The following NDST3 variants were observed in gnomAD, a reference collection of about 807,000 sequenced individuals.
NDST3 encodes N-deacetylase and N-sulfotransferase 3.
In NDST3, 58 loss-of-function variants were observed where a neutral mutation model predicts 96.1. The ratio of observed to expected loss-of-function variants is 0.60; its 90% CI spans 0.49 to 0.75. The LOEUF (loss-of-function observed/expected upper bound fraction) is 0.75, where lower values mean the gene tolerates loss of function less well. Among genes scored for constraint, NDST3 ranks in the 30% least tolerant of loss-of-function variants. The pLI, the probability that NDST3 is intolerant of heterozygous loss-of-function variation, is 0.00. For missense variants in NDST3, 788 were observed against 1,034.2 expected (o/e 0.76, Z 3.27); for synonymous variants, 333 against 359.7 (o/e 0.93, Z 0.84).
In NDST3 at chr4:118,141,065, G is replaced by C. The variant is rs79437969; in HGVS notation, c.1411-2491G>C. Among the ~76,000 whole-genome samples, 1,384 of 152,230 alleles carry C rather than the reference G, an allele frequency of 9.1e-3. 25 individuals are homozygous for C. The highest frequency in any genetic ancestry group is 0.082 in the Middle Eastern group (24 of 294). ...TGGTATCTCCCCAGAAGTATTTGTTGGCAGTTGCTCCTGAATGAGCCTTAG... is the reference window on the plus strand; with the variant it reads ...TGGTATCTCCCCAGAAGTATTTGTTCGCAGTTGCTCCTGAATGAGCCTTAG... On this transcript the variant is annotated intron_variant, in intron 5 of 13. Coordinates refer to ENST00000296499, the MANE Select transcript of NDST3 (RefSeq NM_004784.3).
intron 2 of NDST3, among the ~76,000 whole-genome samples, chr4:118,093,107 T>C (rs1729012515): frequency 6.6e-6 from 1 of 151,882 alleles, no homozygotes; most frequent in African/African-American, 2.4e-5. Context: ...GCGCTGGAAC[T>C]GAGTGAGAAT....
intron 2 of NDST3, among the ~76,000 whole-genome samples, chr4:118,081,669 T>C (rs1034290343): frequency 3.3e-5 from 5 of 152,284 alleles, no homozygotes; most frequent in African/African-American, 1.2e-4. Context: ...GCTAATTAAG[T>C]ACATTTAAAG....
At chr4:118,194,746 T>C (rs1737554841) in intron 6 of NDST3, 3 of 491,020 alleles carry the variant, frequency 6.1e-6, no homozygotes, top group Non-Finnish European at 1.1e-5. Context: ...TCTCCTCAAC[T>C]GTCATCTCCA....
chr4:118,166,638 C>A (rs749617658), intron 6 of NDST3, among the ~76,000 whole-genome samples: 2 of 151,776 alleles, frequency 1.3e-5, no homozygotes, highest in Non-Finnish European at 2.9e-5. Flanking sequence ...AACATAGATA[C>A]AAAAATCCTC....
intron 6 of NDST3, chr4:118,194,734 C>T: frequency 2.0e-6 from 1 of 512,254 alleles, no homozygotes. Flanking sequence ...CAGTCTCCTT[C>T]ATCTCCTCAA....
rs567049579 is a variant in NDST3, at chr4:118,086,186, T to C, written c.982-18832T>C. Among the ~76,000 whole-genome samples the C allele has an allele frequency of 7.2e-5, 11 of 152,328 alleles. No individual in the cohort carries two copies. The South Asian group carries it at 1.4e-3, about 20-fold the overall frequency. On this transcript the variant is annotated intron_variant, in intron 2 of 13. Transcript: ENST00000296499. ...CCCTTTCACGCAATGTACTTACTTA[T>C]ATTTCAATTTTAGCATCTTGCAATC...
chr4:118,082,156 C>G (rs941656585), intron 2 of NDST3, among the ~76,000 whole-genome samples: 1 of 152,122 alleles, frequency 6.6e-6, no homozygotes, highest in Non-Finnish European at 1.5e-5. Flanking sequence ...TTATTTTTCC[C>G]GAGTATTTTT....
chr4:118,195,885 T>C (rs1737651480), intron 6 of NDST3, among the ~76,000 whole-genome samples: 1 of 152,212 alleles, frequency 6.6e-6, no homozygotes, highest in Non-Finnish European at 1.5e-5. Context: ...AGTACTATGT[T>C]GAATAACAGT....
In NDST3 at chr4:118,242,116, T is replaced by C; in HGVS notation, c.2366T>C (p.Val789Ala). 10 of 1,610,462 alleles carry C rather than the reference T, an allele frequency of 6.2e-6. No individual in the cohort carries two copies. Among genetic ancestry groups the C allele is most frequent in the Non-Finnish European group, 8.5e-6 (10 of 1,177,168 alleles). ...VMDEVQKFLG[V>A]LPHYNYSEAL... Reference sequence around the variant, plus strand: ...GATGAAGTACAGAAGTTTCTAGGAGTCTTGCCTCATTATAATTACTCAGAA... The same window carrying C: ...GATGAAGTACAGAAGTTTCTAGGAGCCTTGCCTCATTATAATTACTCAGAA... The change falls in exon 12 of 14, where the codon GTC (valine) becomes GCC (alanine). Residue 789 changes from valine (V) to alanine (A), a missense_variant. By Grantham distance (64) the Val-to-Ala change is moderately conservative (BLOSUM62 0). Coordinates refer to ENST00000296499, the MANE Select transcript of NDST3 (RefSeq NM_004784.3).
At chr4:118,147,896 G>C (rs1001940197) in intron 6 of NDST3, among the ~76,000 whole-genome samples, 5 of 152,120 alleles carry the variant, frequency 3.3e-5, no homozygotes, top group Admixed American at 3.3e-4. Context: ...CAGGTATTGA[G>C]TCATTAACAA....
chr4:118,146,028 T>A (rs1419355292), intron 6 of NDST3, among the ~76,000 whole-genome samples: 1 of 152,104 alleles, frequency 6.6e-6, no homozygotes, highest in African/African-American at 2.4e-5. Flanking sequence ...GAGTAAGGAG[T>A]AGTGGCATGT....
At chr4:118,176,593 A>C (rs547672638) in intron 6 of NDST3, among the ~76,000 whole-genome samples, 5 of 152,194 alleles carry the variant, frequency 3.3e-5, no homozygotes, top group African/African-American at 1.2e-4. Flanking sequence ...TAGGCAGTTG[A>C]ATTATTTTCT....
intron 2 of NDST3, among the ~76,000 whole-genome samples, chr4:118,079,002 G>A (rs1414095719): frequency 2.0e-5 from 3 of 152,100 alleles, no homozygotes; most frequent in Non-Finnish European, 4.4e-5. Context: ...CAGCATTTTG[G>A]AAGGAATACT....
intron 6 of NDST3, among the ~76,000 whole-genome samples, chr4:118,155,703 TTA>T (rs1440441310): frequency 2.0e-5 from 3 of 152,182 alleles, no homozygotes; most frequent in African/African-American, 7.2e-5. Flanking sequence ...ATTGGTTTTG[TTA>T]TATGTCATTT....
At chr4:118,067,920 T>C (rs1013192304) in intron 2 of NDST3, among the ~76,000 whole-genome samples, 10 of 150,850 alleles carry the variant, frequency 6.6e-5, no homozygotes, top group Non-Finnish European at 1.5e-4. Flanking sequence ...TTAAAATAAG[T>C]AAATAAATAA....
In NDST3 at chr4:118,138,135, GAGGCCTGGAAGA is replaced by G. The variant is rs1451550166; in HGVS notation, c.1310_1321del (p.Ala437_Lys440del). ...CTACCCTGTACATGTTCAGCTTTAT[GAGGCCTGGAAGA>G]AGGTCTGGAATATTAAAATCACCAG... On this transcript the variant is annotated inframe_deletion, in exon 5 of 14. Coordinates refer to ENST00000296499, the MANE Select transcript of NDST3 (RefSeq NM_004784.3). 1 of 1,614,042 alleles carries G rather than the reference GAGGCCTGGAAGA, an allele frequency of 6.2e-7. No individual in the cohort carries two copies. The highest frequency in any genetic ancestry group is 1.1e-5 in the South Asian group (1 of 91,062).
chr4:118,090,628 T>C (rs1728786932), intron 2 of NDST3, among the ~76,000 whole-genome samples: 1 of 151,982 alleles, frequency 6.6e-6, no homozygotes, highest in African/African-American at 2.4e-5. Flanking sequence ...GAAATCTGCA[T>C]ACTGATATTG....
At position 118,173,994 on chromosome 4, in the gene NDST3, C is replaced by T. The variant is rs374283698; in HGVS notation, c.1539+30310C>T. Among the ~76,000 whole-genome samples the T allele has an allele frequency of 1.4e-4, 21 of 152,328 alleles. 1 individual carries two copies. In the East Asian group the frequency reaches 3.7e-3, roughly 27 times the overall value. On this transcript the variant is annotated intron_variant, in intron 6 of 13. Coordinates refer to ENST00000296499, the MANE Select transcript of NDST3 (RefSeq NM_004784.3). Reference sequence around the variant, plus strand: ...ATGAAGCAGTGACTGGTTATTGATACACTTTGCAACATTTCACTAGAACAA... The same window carrying T: ...ATGAAGCAGTGACTGGTTATTGATATACTTTGCAACATTTCACTAGAACAA...
At chr4:118,238,632 T>G (rs1740834256) in intron 10 of NDST3, among the ~76,000 whole-genome samples, 1 of 152,246 alleles carries the variant, frequency 6.6e-6, no homozygotes. Flanking sequence ...TCAAGTAATT[T>G]TAATGACTAC....
Sources: gnomAD v4.1 joint callset for allele counts (sites outside exome capture counted in the v4.1 genomes callset) on GRCh38, gnomAD v4.1.1 for gene constraint, MANE v1.5 for transcripts, NCBI Gene and HGNC (gene_info 2026-07-23, HGNC 2026-07-21) for gene names.